OPCML: variants seen among roughly 807,000 people sequenced by gnomAD.
OPCML encodes opioid-binding protein/cell adhesion molecule.
A neutral mutation model predicts 37.8 loss-of-function variants in OPCML; 13 were observed. That is an observed-to-expected ratio of 0.34 (90% CI 0.22 to 0.55). The LOEUF (loss-of-function observed/expected upper bound fraction) is 0.55, where lower values mean the gene tolerates loss of function less well. OPCML is among the 20% of genes least tolerant of loss of function. The pLI is 0.91. For synonymous variants in OPCML, 176 were observed against 168.8 expected (o/e 1.04, Z -0.33); for missense variants, 341 against 435.6 (o/e 0.78, Z 1.93).
chr11:132,627,705 C>A (rs1191299269), intron 3 of OPCML, among the ~76,000 whole-genome samples: 2 of 152,088 alleles, frequency 1.3e-5, no homozygotes, highest in Non-Finnish European at 2.9e-5. Context: ...GAACAGCATG[C>A]AAAATGGCAA....
intron 1 of OPCML, among the ~76,000 whole-genome samples, chr11:133,140,528 T>TAAGAAG (rs1489312604): frequency 0.02 from 1,204 of 61,112 alleles, 8 homozygotes; most frequent in Non-Finnish European, 0.024. Flanking sequence ...ATAATAATAA[T>TAAGAAG]AATAAGAAGA....
In OPCML at chr11:133,390,320, G is replaced by A. The variant is rs190172592; in HGVS notation, c.61+141944C>T. Among the ~76,000 whole-genome samples, 193 of 152,050 alleles carry A rather than the reference G, an allele frequency of 1.3e-3. 1 individual carries two copies. Among genetic ancestry groups the A allele is most frequent in the Admixed American group, 0.011 (168 of 15,286 alleles). ...TAAAAATACAAAAAAAAAATTAGCC[G>A]GGTGTGGTGGCGGGCGCCTGTAGTC... On this transcript the variant is annotated intron_variant, in intron 1 of 7. Coordinates refer to ENST00000524381, the MANE Select transcript of OPCML (RefSeq NM_001012393.5).
At chr11:133,224,403 G>A (rs1402494891) in intron 1 of OPCML, among the ~76,000 whole-genome samples, 1 of 152,214 alleles carries the variant, frequency 6.6e-6, no homozygotes, top group African/African-American at 2.4e-5. Flanking sequence ...AAGGGCAGCT[G>A]GTGGGCTTGT....
Position 133,112,303 on chromosome 11 carries a change from AAAAAAAAGG to A in OPCML, c.62-169302_62-169294del, listed in dbSNP as rs1336837711. ...TCTTGGCCAAAAAAAAAAAAAAAAA[AAAAAAAAGG>A]GGAAAGAAACAAAATATCTCATATC... On this transcript the variant is annotated intron_variant, in intron 1 of 7. Coordinates refer to ENST00000524381, the MANE Select transcript of OPCML (RefSeq NM_001012393.5). Among the ~76,000 whole-genome samples the A allele has an allele frequency of 1.7e-3, 242 of 144,024 alleles. 3 individuals are homozygous for A. Among genetic ancestry groups the A allele is most frequent in the African/African-American group, 6.0e-3 (222 of 36,982 alleles). The allele number at this position is 144,024 out of a possible 152,430, so 94.5% of individuals were successfully genotyped here. A position where few individuals can be genotyped will look rare whatever the true frequency, so the allele number is the denominator to read the frequency against.
In OPCML at chr11:132,944,974, G is replaced by A. The variant is rs191005580; in HGVS notation, c.62-1964C>T. Among the ~76,000 whole-genome samples the A allele has an allele frequency of 1.8e-4, 27 of 152,302 alleles. No individual in the cohort carries two copies. The East Asian group carries it at 4.6e-3, about 26-fold the overall frequency. On this transcript the variant is annotated intron_variant, in intron 1 of 7. Coordinates refer to ENST00000524381, the MANE Select transcript of OPCML (RefSeq NM_001012393.5). The stretch of plus-strand genomic sequence containing the variant: ...GCTCTTATCGTTTATTACTTTAGTT[G>A]CTGAAGGATACAAAGGCATACTACT...
chr11:132,461,174 C>G (rs1228846357), intron 4 of OPCML, among the ~76,000 whole-genome samples: 1 of 152,152 alleles, frequency 6.6e-6, no homozygotes, highest in Non-Finnish European at 1.5e-5. Flanking sequence ...CTTAGAATCT[C>G]TGCAGCTGTA....
chr11:133,111,858 C>G (rs7101401), intron 1 of OPCML, among the ~76,000 whole-genome samples: 77,331 of 151,934 alleles, frequency 0.51, 19,914 homozygotes, highest in Admixed American at 0.55. Flanking sequence ...TGATTGACAC[C>G]TGTTAATAAC....
chr11:132,718,491 G>C (rs968550951), intron 2 of OPCML, among the ~76,000 whole-genome samples: 3 of 152,126 alleles, frequency 2.0e-5, no homozygotes, highest in African/African-American at 7.2e-5. Context: ...CCAGGCATCC[G>C]TAAGATCTGA....
intron 2 of OPCML, among the ~76,000 whole-genome samples, chr11:132,667,804 C>T (rs1298344436): frequency 6.6e-6 from 1 of 152,176 alleles, no homozygotes; most frequent in Non-Finnish European, 1.5e-5. Flanking sequence ...ATCAAAACTA[C>T]TAGGGAACTA....
intron 1 of OPCML, chr11:133,421,842 C>T: frequency 1.2e-6 from 1 of 838,252 alleles, no homozygotes; most frequent in South Asian, 5.5e-5. Context: ...CAAGCCATCC[C>T]TACTGTAACC....
chr11:132,440,426 C>T (rs2096028644), intron 4 of OPCML, among the ~76,000 whole-genome samples: 1 of 152,116 alleles, frequency 6.6e-6, no homozygotes, highest in African/African-American at 2.4e-5. Context: ...GGGGCTGCCT[C>T]CATGGCTGGG....
rs1565504817 is a variant in OPCML at position 133,208,211 on chromosome 11, C to T, written c.62-265201G>A. On this transcript the variant is annotated intron_variant, in intron 1 of 7. Transcript: ENST00000524381. This position sits in a 1 kb window ranked among gnomAD's most constrained non-coding sequence, Gnocchi z 8.9. ...TATCTTGCTCACCATTTATCTCAAG[C>T]ATTTAGCTTATTGCTTAGCACATTG... Among the ~76,000 whole-genome samples, 1 of 152,178 alleles carries T rather than the reference C, an allele frequency of 6.6e-6. No individual in the cohort carries two copies. Among genetic ancestry groups the T allele is most frequent in the Non-Finnish European group, 1.5e-5 (1 of 68,032 alleles).
At chr11:133,149,846 T>C (rs1949952324) in intron 1 of OPCML, among the ~76,000 whole-genome samples, 1 of 152,186 alleles carries the variant, frequency 6.6e-6, no homozygotes, top group South Asian at 2.1e-4. Context: ...AGGAGGATCG[T>C]CTGGGGAGAT....
intron 3 of OPCML, among the ~76,000 whole-genome samples, chr11:132,575,534 T>TC (rs1172747623): frequency 6.6e-6 from 1 of 151,968 alleles, no homozygotes; most frequent in Admixed American, 6.6e-5. Flanking sequence ...CTTTAACTTC[T>TC]CCCCCCACAC....
chr11:132,694,588 A>G (rs1256911855), intron 2 of OPCML, among the ~76,000 whole-genome samples: 2 of 152,152 alleles, frequency 1.3e-5, no homozygotes, highest in Non-Finnish European at 2.9e-5. Context: ...ATGAACAACA[A>G]CTTTGTGCTA....
intron 1 of OPCML, among the ~76,000 whole-genome samples, chr11:133,204,037 G>C (rs533884): frequency 0.67 from 91,960 of 137,384 alleles, 32,432 homozygotes; most frequent in African/African-American, 0.88. Context: ...CAGCCTGGGG[G>C]GACAGAGCGA....
intron 2 of OPCML, among the ~76,000 whole-genome samples, chr11:132,897,909 C>T (rs1943909349): frequency 6.6e-6 from 1 of 152,162 alleles, no homozygotes; most frequent in African/African-American, 2.4e-5. Context: ...TTATTTGTTT[C>T]TCATGTAAAT....
chr11:133,213,383 G>A (rs1939451827), intron 1 of OPCML, among the ~76,000 whole-genome samples: 1 of 152,016 alleles, frequency 6.6e-6, no homozygotes, highest in African/African-American at 2.4e-5. Flanking sequence ...ATTGCATAAT[G>A]AACATCTAAT....
At chr11:132,609,605 T>C (rs535346555) in intron 3 of OPCML, among the ~76,000 whole-genome samples, 29 of 152,236 alleles carry the variant, frequency 1.9e-4, no homozygotes, top group South Asian at 6.2e-4. Context: ...GTAGGGCTCC[T>C]CTGTGGCTCA....
Sources: allele counts gnomAD v4.1 joint callset (sites outside exome capture counted in the v4.1 genomes callset), GRCh38; gene constraint gnomAD v4.1.1; non-coding constraint Gnocchi (gnomAD v3.1); transcripts MANE v1.5; gene names NCBI Gene and HGNC (gene_info 2026-07-23, HGNC 2026-07-21).